Variants in COL1A2 observed in about 807,000 individuals in gnomAD.
The protein encoded by COL1A2 is collagen alpha-2(I) chain.
In COL1A2, 49 loss-of-function variants were observed where a neutral mutation model predicts 174.3. The observed-to-expected ratio is 0.28, with a 90% CI of 0.22 to 0.36. The LOEUF (loss-of-function observed/expected upper bound fraction) is 0.36. Among genes scored for constraint, COL1A2 ranks in the 10% least tolerant of loss-of-function variants. COL1A2 has a pLI of 1.00. For missense variants in COL1A2, 1,438 were observed against 1,822.7 expected, an observed-to-expected ratio of 0.79 and a Z score of 3.84; for synonymous variants, 655 against 606.6, an observed-to-expected ratio of 1.08 and a Z score of -1.17.
rs185552105 is a variant in COL1A2, at chr7:94,411,304, C to T, written c.1350+150C>T. Reference sequence around the variant, plus strand: ...TTGCATTTTTGACTTTATCAAAGCTCAGTAGATATTTTCATGCATTTAATT... The same window carrying T: ...TTGCATTTTTGACTTTATCAAAGCTTAGTAGATATTTTCATGCATTTAATT... On this transcript the variant is annotated intron_variant, in intron 23 of 51. Transcript: ENST00000297268. 8.5e-6 allele frequency: 6 copies of T among 706,130 alleles called. No homozygotes were observed. In the East Asian group the frequency reaches 1.1e-4, roughly 13 times the overall value. 43.7% of individuals were successfully genotyped at this position (706,130 alleles called of 1,614,324 possible).
chr7:94,394,950 T>C lies in COL1A2; in HGVS notation c.-82T>C. ...GTTGGAGGTACTGGCCACGACTGCA[T>C]GCCCGCGCCCGCCAGGTGATACCTC... On this transcript the variant is annotated 5_prime_UTR_variant, in exon 1 of 52. It removes an upstream start codon present in the reference 5' UTR. Coordinates refer to ENST00000297268, the MANE Select transcript of COL1A2 (RefSeq NM_000089.4). 1 of 1,222,540 alleles carries C rather than the reference T, an allele frequency of 8.2e-7. No individual in the cohort carries two copies. Among genetic ancestry groups the C allele is most frequent in the Admixed American group, 1.7e-5 (1 of 59,422 alleles). The allele number at this position is 1,222,540 out of a possible 1,614,324, so 75.7% of individuals were successfully genotyped here.
chr7:94,399,113 TCGTCC>T, intron 4 of COL1A2, 29 bp downstream of exon 4: 1 of 1,604,882 alleles, frequency 6.2e-7, no homozygotes, highest in Non-Finnish European at 8.5e-7. Context: ...ATAAAGGGCT[TCGTCC>T]CGTATTTGAA....
chr7:94,405,850 GAA>G, intron 11 of COL1A2, 124 bp downstream of exon 11: 1 of 873,950 alleles, frequency 1.1e-6, no homozygotes, highest in South Asian at 1.3e-5. Context: ...CCAAAGGGAA[GAA>G]AGAGTTAAAG....
chr7:94,416,800 T>C, intron 31 of COL1A2: 1 of 352,528 alleles, frequency 2.8e-6, no homozygotes, highest in Admixed American at 4.3e-5. Flanking sequence ...CTAGAAACAT[T>C]GTATTCATTG....
At chr7:94,425,505 T>C (rs1342685735) in intron 42 of COL1A2, 105 bp from the exon 43 acceptor site, 6 of 1,179,264 alleles carry the variant, frequency 5.1e-6, no homozygotes, top group African/African-American at 4.5e-5. Flanking sequence ...GAAAGAGGGT[T>C]CGTTACTGAG....
chr7:94,403,379 A>C (rs984169785), intron 6 of COL1A2, among the ~76,000 whole-genome samples: 31 of 152,308 alleles, frequency 2.0e-4, no homozygotes, highest in African/African-American at 6.5e-4. Flanking sequence ...AAAATCAATA[A>C]CTATAAAACC....
intron 6 of COL1A2, among the ~76,000 whole-genome samples, chr7:94,404,045 C>A (rs1482512888): frequency 6.6e-6 from 1 of 152,192 alleles, no homozygotes; most frequent in African/African-American, 2.4e-5. Context: ...TCACCAATAA[C>A]CCTTAGAGGA....
chr7:94,397,941 C>T (rs1486639405), intron 2 of COL1A2, among the ~76,000 whole-genome samples, 183 bp downstream of exon 2: 1 of 151,598 alleles, frequency 6.6e-6, no homozygotes, highest in Non-Finnish European at 1.5e-5. Context: ...CCCAATTTTC[C>T]AAAATAGGCG....
chr7:94,429,115 T>TC, intron 50 of COL1A2, 73 bp from the exon 51 acceptor site: 1 of 1,208,486 alleles, frequency 8.3e-7, no homozygotes, highest in East Asian at 2.5e-5. Flanking sequence ...TTTCTTTTTT[T>TC]TTTTTTTCAT....
At chr7:94,410,782 G>T in intron 21 of COL1A2, 107 bp from the exon 22 acceptor site, 1 of 1,276,718 alleles carries the variant, frequency 7.8e-7, no homozygotes, top group East Asian at 2.3e-5. Context: ...GGCTTGGTTT[G>T]TGTCTGTATC....
intron 5 of COL1A2, among the ~76,000 whole-genome samples, chr7:94,400,929 T>C (rs1483359700): frequency 2.0e-5 from 3 of 152,152 alleles, no homozygotes; most frequent in African/African-American, 7.2e-5. Context: ...CCCCCAAAGA[T>C]CTTATTATGA....
At chr7:94,416,662 T>G in intron 31 of COL1A2, 159 bp downstream of exon 31, 1 of 633,224 alleles carries the variant, frequency 1.6e-6, no homozygotes, top group Non-Finnish European at 2.8e-6. Flanking sequence ...CCAGTGGACC[T>G]GAATTATTCT....
Position 94,409,350 on chromosome 7 carries a change from G to C in COL1A2, c.821G>C (p.Gly274Ala). Residue 274 changes from glycine (G) to alanine (A), a missense_variant, in exon 17 of 52, where the codon GGT becomes GCT. Gly to Ala is a moderately conservative substitution (Grantham distance 60). Around this residue, in one of 3 missense-constraint regions of COL1A2, gnomAD observed 867 missense variants for 1,213.7 expected, o/e 0.71. Coordinates refer to ENST00000297268, the MANE Select transcript of COL1A2 (RefSeq NM_000089.4). Reference protein sequence around the residue: ...KGEIGAVGNAGPAGPAGPRGE... With the variant: ...KGEIGAVGNAAPAGPAGPRGE... ...GAAATTGGAGCTGTTGGTAACGCTGGTCCTGCTGGTCCCGCCGGTCCCCGT... is the reference window on the plus strand; with the variant it reads ...GAAATTGGAGCTGTTGGTAACGCTGCTCCTGCTGGTCCCGCCGGTCCCCGT... 6.2e-7 allele frequency: 1 copy of C among 1,614,046 alleles called. No individual in the cohort carries two copies.
intron 27 of COL1A2, 54 bp downstream of exon 27, chr7:94,413,797 C>T (rs554370362): frequency 3.1e-6 from 5 of 1,609,416 alleles, no homozygotes; most frequent in Non-Finnish European, 4.3e-6. Context: ...ATATAGTCCT[C>T]AAACTGGCCA....
chr7:94,405,719 G>T lies in COL1A2; in HGVS notation c.533G>T (p.Gly178Val). Reference protein sequence around the residue: ...PGTPGLPGFKGIRGHNGLDGL... With the variant: ...PGTPGLPGFKVIRGHNGLDGL... Reference sequence around the variant, plus strand: ...ACTCCTGGACTTCCTGGCTTCAAAGGCATTAGGGTGAGCACATTCTTTACT... The same window carrying T: ...ACTCCTGGACTTCCTGGCTTCAAAGTCATTAGGGTGAGCACATTCTTTACT... The change falls in exon 11 of 52, where the codon GGC becomes GTC. Residue 178 changes from glycine to valine, a missense_variant. By Grantham distance (109) the Gly-to-Val change is moderately radical (BLOSUM62 -3). Coordinates refer to ENST00000297268, the MANE Select transcript of COL1A2 (RefSeq NM_000089.4). The T allele has an allele frequency of 6.2e-7, 1 of 1,613,130 alleles. No individual in the cohort carries two copies. The highest frequency in any genetic ancestry group is 8.5e-7 in the Non-Finnish European group (1 of 1,179,142).
At chr7:94,412,153 A>G in intron 24 of COL1A2, 32 bp downstream of exon 24, 1 of 1,585,654 alleles carries the variant, frequency 6.3e-7, no homozygotes, top group East Asian at 2.2e-5. Flanking sequence ...TTATATTTTC[A>G]AGGACACTTA....
intron 4 of COL1A2, 89 bp downstream of exon 4, chr7:94,399,173 A>G: frequency 1.6e-6 from 2 of 1,212,936 alleles, no homozygotes; most frequent in South Asian, 1.2e-5. Flanking sequence ...TTATAAGAAT[A>G]TTATGTATCC....
Position 94,409,345 on chromosome 7 carries a change from C to T in COL1A2, c.816C>T (p.Asn272=), listed in dbSNP as rs1465476385. 8.1e-6 allele frequency: 13 copies of T among 1,613,964 alleles called. No homozygotes were observed. The highest frequency in any genetic ancestry group is 8.0e-5 in the African/African-American group (6 of 74,886). The change falls in exon 17 of 52, where the codon AAC becomes AAT. Residue 272 remains asparagine (N), a synonymous_variant. Coordinates refer to ENST00000297268, the MANE Select transcript of COL1A2 (RefSeq NM_000089.4). ...AGGGTGAAATTGGAGCTGTTGGTAA[C>T]GCTGGTCCTGCTGGTCCCGCCGGTC... is the stretch of plus-strand genomic sequence containing the variant. ...GPKGEIGAVG[N]AGPAGPAGPR...
Position 94,420,226 on chromosome 7 carries a change from A to G in COL1A2, c.2080-7A>G. The G allele has an allele frequency of 1.2e-6, 2 of 1,613,150 alleles. No individual in the cohort carries two copies. The highest frequency in any genetic ancestry group is 3.3e-5 in the Admixed American group (2 of 60,022). ...CATTAACAGATTCATCTTTGGTCCC[A>G]TTATAGGGCGAAGCTGGGGCTGCTG... On this transcript the variant is annotated splice_region_variant and splice_polypyrimidine_tract_variant and intron_variant, in intron 34 of 51. Coordinates refer to ENST00000297268, the MANE Select transcript of COL1A2 (RefSeq NM_000089.4).
Sources: allele counts gnomAD v4.1 joint callset (sites outside exome capture counted in the v4.1 genomes callset), GRCh38; gene constraint gnomAD v4.1.1; regional missense constraint gnomAD v4.1.1; transcripts MANE v1.5; gene names NCBI Gene and HGNC (gene_info 2026-07-23, HGNC 2026-07-21).